The following PIK3CB variants were observed in gnomAD, a reference collection of about 807,000 sequenced individuals.
PIK3CB encodes the protein phosphatidylinositol-4,5-bisphosphate 3-kinase catalytic subunit beta.
PIK3CB carries 39 observed loss-of-function variants against 136.8 expected under a neutral mutation model. The ratio of observed to expected loss-of-function variants is 0.29; its 90% CI spans 0.22 to 0.37. The LOEUF (loss-of-function observed/expected upper bound fraction) is 0.37, where lower values mean the gene tolerates loss of function less well. Among genes scored for constraint, PIK3CB ranks in the 10% least tolerant of loss-of-function variants. The probability of loss-of-function intolerance (pLI) is 1.00; values close to 1 mark genes in which losing one functional copy is unlikely to be tolerated. For synonymous variants in PIK3CB, 428 were observed against 436.6 expected (o/e 0.98, Z 0.25); for missense variants, 868 against 1,275.4 (o/e 0.68, Z 4.87).
intron 8 of PIK3CB, among the ~76,000 whole-genome samples, chr3:138,723,618 T>C (rs966676553): frequency 1.1e-4 from 17 of 152,134 alleles, no homozygotes; most frequent in Non-Finnish European, 2.2e-4. Flanking sequence ...TAAATTTTCA[T>C]GGAAACACTT....
chr3:138,679,703 C>T (rs1233240292), intron 19 of PIK3CB, among the ~76,000 whole-genome samples: 3 of 151,292 alleles, frequency 2.0e-5, no homozygotes, highest in Non-Finnish European at 4.4e-5. Flanking sequence ...CCCTCCTCAG[C>T]TCCCAAGTAG....
intron 2 of PIK3CB, among the ~76,000 whole-genome samples, chr3:138,762,090 T>C (rs2045671020): frequency 6.7e-6 from 1 of 148,398 alleles, no homozygotes; most frequent in Non-Finnish European, 1.5e-5. Context: ...CTACTAAAAA[T>C]ACAAAAAAAT....
intron 1 of PIK3CB, chr3:138,825,882 ATG>A: frequency 1.3e-6 from 2 of 1,517,588 alleles, no homozygotes; most frequent in East Asian, 4.5e-5. Flanking sequence ...AATGTCAAGA[ATG>A]TGTCTGTCAA....
chr3:138,745,606 C>A (rs2045338314), intron 4 of PIK3CB, among the ~76,000 whole-genome samples: 1 of 152,076 alleles, frequency 6.6e-6, no homozygotes, highest in South Asian at 2.1e-4. Flanking sequence ...GCACTGCAGC[C>A]TGGGCGATGA....
chr3:138,802,664 C>A (rs1465672594), intron 1 of PIK3CB, among the ~76,000 whole-genome samples: 1 of 152,164 alleles, frequency 6.6e-6, no homozygotes, highest in East Asian at 1.9e-4. Context: ...GAGTACCAAT[C>A]CTGCTCTATT....
chr3:138,705,197 A>AAAAAAAAAAAAAAAAAAAAT (rs1313585582), intron 11 of PIK3CB, among the ~76,000 whole-genome samples: 1 of 142,190 alleles, frequency 7.0e-6, no homozygotes, highest in Non-Finnish European at 1.5e-5. Flanking sequence ...AAACAAAAAA[A>AAAAAAAAAAAAAAAAAAAAT]AAAACTTATA....
At chr3:138,803,267 C>T (rs574826383) in intron 1 of PIK3CB, among the ~76,000 whole-genome samples, 1 of 152,304 alleles carries the variant, frequency 6.6e-6, no homozygotes, top group South Asian at 2.1e-4. Flanking sequence ...GTTCCAGAGA[C>T]TGGATGACTA....
At chr3:138,817,051 A>G (rs1933367275) in intron 1 of PIK3CB, among the ~76,000 whole-genome samples, 1 of 148,464 alleles carries the variant, frequency 6.7e-6, no homozygotes. Context: ...AAATACAAAA[A>G]AAAAAGGCCG....
chr3:138,831,295 T>TTAAATTAAAA (rs1934027474), intron 1 of PIK3CB, among the ~76,000 whole-genome samples: 2 of 139,884 alleles, frequency 1.4e-5, no homozygotes, highest in African/African-American at 5.0e-5. Flanking sequence ...TTAAATTAAA[T>TTAAATTAAAA]TAAAATTAAA....
chr3:138,708,832 T>G (rs556873866), intron 10 of PIK3CB, among the ~76,000 whole-genome samples: 1 of 152,308 alleles, frequency 6.6e-6, no homozygotes, highest in Admixed American at 6.5e-5. Flanking sequence ...TATTTTACTT[T>G]TGTCCTATCA....
In PIK3CB at chr3:138,765,711, G is replaced by A. The variant is rs138016199; in HGVS notation, c.-16-6352C>T. Among the ~76,000 whole-genome samples the A allele has an allele frequency of 4.3e-4, 65 of 151,644 alleles. No homozygotes were observed. In the East Asian group the frequency reaches 0.012, roughly 27 times the overall value. On this transcript the variant is annotated intron_variant, in intron 2 of 23. Transcript: ENST00000674063. ...AAAAAAAAAAAATTAGCTGTGCATG[G>A]GACTACATGGCACACACCTGTAGTC...
intron 3 of PIK3CB, 57 bp from the exon 4 acceptor site, chr3:138,756,036 G>T: frequency 1.1e-6 from 1 of 899,020 alleles, no homozygotes; most frequent in Non-Finnish European, 1.8e-6. Context: ...AGTGTACAAA[G>T]ATATAAGGAT....
chr3:138,767,579 A>C (rs2045748734), intron 2 of PIK3CB, among the ~76,000 whole-genome samples: 2 of 152,192 alleles, frequency 1.3e-5, no homozygotes, highest in Admixed American at 6.5e-5. Context: ...CACTCGATTC[A>C]CACTATGGGA....
intron 1 of PIK3CB, among the ~76,000 whole-genome samples, chr3:138,811,339 TA>T (rs1415464455): frequency 2.7e-5 from 4 of 149,672 alleles, no homozygotes; most frequent in Non-Finnish European, 5.9e-5. Context: ...ACATAATTGG[TA>T]AAATTGGAAT....
intron 8 of PIK3CB, among the ~76,000 whole-genome samples, chr3:138,722,733 TA>T (rs1399824707): frequency 6.7e-6 from 1 of 148,388 alleles, no homozygotes. Flanking sequence ...TATAATGGGC[TA>T]AAAAAAAGTC....
Position 138,694,815 on chromosome 3 carries a change from T to C in PIK3CB, c.1863A>G (p.Glu621=), listed in dbSNP as rs144577790. The C allele has an allele frequency of 1.5e-5, 24 of 1,613,234 alleles. No individual in the cohort carries two copies. In the African/African-American group the frequency reaches 2.4e-4, roughly 16 times the overall value. ...TCTGTCGCAGGCAGCCTACAGCATA[T>C]TCTCGAACGTACTGGTCTGGATAGT... The part of the protein sequence containing the change: ...DFNYPDQYVR[E]YAVGCLRQMS... The change falls in exon 14 of 24, where the codon GAA becomes GAG. Residue 621 remains glutamate (E), a synonymous_variant. Coordinates refer to ENST00000674063, the MANE Select transcript of PIK3CB (RefSeq NM_006219.3).
At chr3:138,758,573 A>G (rs908490291) in intron 3 of PIK3CB, among the ~76,000 whole-genome samples, 1 of 152,200 alleles carries the variant, frequency 6.6e-6, no homozygotes, top group Non-Finnish European at 1.5e-5. Context: ...CAGTTTCTCT[A>G]ATGAAGAAGC....
In PIK3CB at chr3:138,780,584, A is replaced by G. The variant is rs534295065; in HGVS notation, c.-17+15879T>C. Among the ~76,000 whole-genome samples, 4 of 152,280 alleles carry G rather than the reference A, an allele frequency of 2.6e-5. No homozygotes were observed. The East Asian group carries it at 7.7e-4, about 29-fold the overall frequency. ...GTGCCCAGCCCTTAAACTATAATTA[A>G]CTTACTTTAGTTGTGAATGTTACTA... On this transcript the variant is annotated intron_variant, in intron 2 of 23. Transcript: ENST00000674063.
intron 10 of PIK3CB, among the ~76,000 whole-genome samples, chr3:138,710,452 A>G (rs964352302): frequency 9.9e-5 from 15 of 152,198 alleles, no homozygotes; most frequent in African/African-American, 3.4e-4. Flanking sequence ...TTCAAATTCA[A>G]ATTAGTTTAC....
Sources: gnomAD v4.1 joint callset for allele counts (sites outside exome capture counted in the v4.1 genomes callset) on GRCh38, gnomAD v4.1.1 for gene constraint, MANE v1.5 for transcripts, NCBI Gene and HGNC (gene_info 2026-07-23, HGNC 2026-07-21) for gene names.